The following RNF115 variants were observed in gnomAD, a reference collection of about 807,000 sequenced individuals.
RNF115 encodes ring finger protein 115, also known as E3 ubiquitin-protein ligase RNF115.
In RNF115, 31 loss-of-function variants were observed where a neutral mutation model predicts 39.2. The observed-to-expected ratio is 0.79, with a 90% CI of 0.59 to 1.07. The LOEUF (loss-of-function observed/expected upper bound fraction) is 1.07. Ranked by LOEUF, RNF115 falls within the 50% of genes least tolerant of loss-of-function variation. The pLI is 0.00. For synonymous variants in RNF115, 124 were observed against 131.0 expected (o/e 0.95, Z 0.37); for missense variants, 384 against 381.7 (o/e 1.01, Z -0.05).
intron 7 of RNF115, 108 bp downstream of exon 7, chr1:145,750,295 ATTTT>A (rs782247516): frequency 2.1e-5 from 18 of 853,354 alleles, no homozygotes; most frequent in Non-Finnish European, 3.1e-5. Flanking sequence ...TTTTTTTCTT[ATTTT>A]TTTGTCTTTT....
chr1:145,805,407 AT>A (rs769396080), intron 1 of RNF115, among the ~76,000 whole-genome samples: 17 of 152,142 alleles, frequency 1.1e-4, no homozygotes, highest in Non-Finnish European at 1.8e-4. Flanking sequence ...TAAAAAAAAA[AT>A]TATCCAGGCC....
At chr1:145,806,965 C>G (rs782123582) in intron 1 of RNF115, among the ~76,000 whole-genome samples, 5 of 152,216 alleles carry the variant, frequency 3.3e-5, no homozygotes, top group Non-Finnish European at 5.9e-5. Flanking sequence ...CCACTGCGCC[C>G]AGCCGTAAAC....
At position 145,804,608 on chromosome 1, in the gene RNF115, C is replaced by T. The variant is rs587733911; in HGVS notation, c.103-15642G>A. ...CTCACTTCATCTAAATGAGATAGTA[C>T]CGGGAATATACTAAATTCTCAACAA... is the stretch of plus-strand genomic sequence containing the variant. On this transcript the variant is annotated intron_variant, in intron 1 of 8. Coordinates refer to ENST00000582693, the MANE Select transcript of RNF115 (RefSeq NM_014455.4). 1.4e-3 allele frequency among the ~76,000 whole-genome samples: 208 copies of T among 151,894 alleles called. 1 individual carries two copies. Among genetic ancestry groups the T allele is most frequent in the Non-Finnish European group, 2.4e-3 (164 of 67,980 alleles).
chr1:145,807,682 G>A (rs1649518821), intron 1 of RNF115, among the ~76,000 whole-genome samples: 1 of 152,056 alleles, frequency 6.6e-6, no homozygotes, highest in Non-Finnish European at 1.5e-5. Context: ...TCTATGTGCT[G>A]GGAATATCTG....
At chr1:145,791,732 C>T (rs1235439033) in intron 1 of RNF115, among the ~76,000 whole-genome samples, 1 of 152,048 alleles carries the variant, frequency 6.6e-6, no homozygotes, top group Non-Finnish European at 1.5e-5. Context: ...AGTAATACAT[C>T]TTTCTTTTAA....
rs1471684390 is a variant in RNF115 at position 145,791,919 on chromosome 1, TTTTTA to T, written c.103-2958_103-2954del. On this transcript the variant is annotated intron_variant, in intron 1 of 8. Coordinates refer to ENST00000582693, the MANE Select transcript of RNF115 (RefSeq NM_014455.4). ...TTCAACCATTTTGTTTCTTTTTTAT[TTTTTA>T]TTTTATTTTATTTATTTATTTTTTT... Among the ~76,000 whole-genome samples, 302 of 152,162 alleles carry T rather than the reference TTTTTA, an allele frequency of 2.0e-3. 1 individual carries two copies. Among genetic ancestry groups the T allele is most frequent in the African/African-American group, 5.3e-3 (219 of 41,550 alleles).
At chr1:145,767,700 C>T (rs1281976910) in intron 4 of RNF115, among the ~76,000 whole-genome samples, 8 of 152,182 alleles carry the variant, frequency 5.3e-5, no homozygotes, top group Non-Finnish European at 1.2e-4. Context: ...ACTGAGTGAA[C>T]GCAACTCCGT....
intron 1 of RNF115, among the ~76,000 whole-genome samples, chr1:145,798,202 C>A (rs1172982662): frequency 6.6e-6 from 1 of 152,134 alleles, no homozygotes; most frequent in Non-Finnish European, 1.5e-5. Flanking sequence ...GTGTCATATG[C>A]CAGAAATCAC....
At chr1:145,774,689 A>C (rs782671843) in intron 3 of RNF115, among the ~76,000 whole-genome samples, 22 of 152,096 alleles carry the variant, frequency 1.4e-4, no homozygotes, top group Non-Finnish European at 2.8e-4. Context: ...GTTAAATCAC[A>C]CTGAGTTTAC....
At chr1:145,793,601 T>C (rs1332108386) in intron 1 of RNF115, among the ~76,000 whole-genome samples, 4 of 147,414 alleles carry the variant, frequency 2.7e-5, no homozygotes, top group Non-Finnish European at 5.9e-5. Context: ...TACTCTTATA[T>C]GTATGCTCTC....
rs587722416 is a variant in RNF115, at chr1:145,824,044, A to T, written c.-171T>A. Reference sequence around the variant, plus strand: ...GGCCCAGAAACGCGGCGGCGCCAACAGCTACCCTGCGGCCCGCCTCCCAGC... The same window carrying T: ...GGCCCAGAAACGCGGCGGCGCCAACTGCTACCCTGCGGCCCGCCTCCCAGC... On this transcript the variant is annotated 5_prime_UTR_variant, in exon 1 of 9. Transcript: ENST00000582693. 3.6e-5 allele frequency: 18 copies of T among 499,304 alleles called. No homozygotes were observed. The African/African-American group carries it at 3.7e-4, about 10-fold the overall frequency. The allele number at this position is 499,304 out of a possible 1,614,324, so 30.9% of individuals were successfully genotyped here.
intron 3 of RNF115, among the ~76,000 whole-genome samples, chr1:145,782,196 C>A (rs1307168672): frequency 6.6e-6 from 1 of 152,198 alleles, no homozygotes; most frequent in African/African-American, 2.4e-5. Flanking sequence ...TAAGCCACCA[C>A]GCCCAGCCTT....
intron 3 of RNF115, among the ~76,000 whole-genome samples, chr1:145,777,925 G>C: frequency 6.6e-6 from 1 of 152,004 alleles, no homozygotes; most frequent in Non-Finnish European, 1.5e-5. Context: ...AAATATTATG[G>C]TCTGTTCCTC....
chr1:145,767,272 C>G (rs1362690183), intron 4 of RNF115, among the ~76,000 whole-genome samples: 1 of 132,684 alleles, frequency 7.5e-6, no homozygotes, highest in Non-Finnish European at 1.6e-5. Flanking sequence ...GGCTGCCCGG[C>G]GGAGGAGCTT....
At chr1:145,774,783 C>T (rs1202689031) in intron 3 of RNF115, among the ~76,000 whole-genome samples, 1 of 152,098 alleles carries the variant, frequency 6.6e-6, no homozygotes, top group Non-Finnish European at 1.5e-5. Flanking sequence ...TGTTTCATGT[C>T]TTTTGTCCAT....
intron 1 of RNF115, among the ~76,000 whole-genome samples, chr1:145,791,858 C>A (rs1648684400): frequency 6.6e-6 from 1 of 151,904 alleles, no homozygotes; most frequent in African/African-American, 2.4e-5. Context: ...TTTTTTTAAA[C>A]CTCATCCTAG....
At chr1:145,811,376 GA>G (rs1161322682) in intron 1 of RNF115, among the ~76,000 whole-genome samples, 1 of 137,488 alleles carries the variant, frequency 7.3e-6, no homozygotes, top group African/African-American at 2.7e-5. Flanking sequence ...AAAAAAAAAA[GA>G]AAAAAGAAGA....
rs1217970978 is a variant in RNF115 at position 145,788,970 on chromosome 1, T to C, written c.103-4A>G. 1 of 1,574,012 alleles carries C rather than the reference T, an allele frequency of 6.4e-7. No individual in the cohort carries two copies. Among genetic ancestry groups the C allele is most frequent in the East Asian group, 2.2e-5 (1 of 44,674 alleles). ...CACATCTGGGACATATATATTCCTATAAAAGAAAGGAAGAAACAAATAAAA... is the reference window on the plus strand; with the variant it reads ...CACATCTGGGACATATATATTCCTACAAAAGAAAGGAAGAAACAAATAAAA... On this transcript the variant is annotated splice_region_variant and splice_polypyrimidine_tract_variant and intron_variant, in intron 1 of 8. Coordinates refer to ENST00000582693, the MANE Select transcript of RNF115 (RefSeq NM_014455.4).
chr1:145,815,323 G>A (rs1191999128), intron 1 of RNF115, among the ~76,000 whole-genome samples: 6 of 152,284 alleles, frequency 3.9e-5, no homozygotes, highest in Non-Finnish European at 5.9e-5. Flanking sequence ...GCCTGAAAGC[G>A]AGCAGTTCTT....
Sources: allele counts gnomAD v4.1 joint callset (sites outside exome capture counted in the v4.1 genomes callset), GRCh38; gene constraint gnomAD v4.1.1; transcripts MANE v1.5; gene names NCBI Gene and HGNC (gene_info 2026-07-23, HGNC 2026-07-21).